POLA2: variants seen among roughly 807,000 people sequenced by gnomAD.
POLA2 encodes the protein DNA polymerase alpha subunit B.
POLA2 carries 47 observed loss-of-function variants against 82.8 expected under a neutral mutation model. That is an observed-to-expected ratio of 0.57 (90% CI 0.45 to 0.72). The LOEUF (loss-of-function observed/expected upper bound fraction) is 0.72. Ranked by LOEUF, POLA2 falls within the 30% of genes least tolerant of loss-of-function variation. The pLI is 0.00. For synonymous variants in POLA2, 287 were observed against 286.8 expected (o/e 1.00, Z -0.01); for missense variants, 634 against 728.1 (o/e 0.87, Z 1.49).
chr11:65,279,506 C>T (rs1414236591), intron 6 of POLA2, 32 bp from the exon 7 acceptor site: 7 of 1,403,240 alleles, frequency 5.0e-6, no homozygotes, highest in Non-Finnish European at 7.0e-6. Context: ...ATGTCTTAAA[C>T]ATAATACTTT....
At chr11:65,273,046 G>T (rs1051884890) in intron 4 of POLA2, among the ~76,000 whole-genome samples, 2 of 150,498 alleles carry the variant, frequency 1.3e-5, no homozygotes, top group African/African-American at 4.9e-5. Flanking sequence ...CTAGCCAGGC[G>T]CAGTGGCTTA....
chr11:65,275,961 C>T lies in POLA2; in HGVS notation c.424C>T (p.Pro142Ser). 6.2e-7 allele frequency: 1 copy of T among 1,607,630 alleles called. No individual in the cohort carries two copies. Among genetic ancestry groups the T allele is most frequent in the Non-Finnish European group, 8.5e-7 (1 of 1,176,990 alleles). ...AAAAAGGAGTGTGTCAACTCGTAGC[C>T]CCCATCAGCTACTCTCACCGTCAAG... ...LTKRSVSTRS[P>S]HQLLSPSSFS... Residue 142 changes from proline (P) to serine (S), a missense_variant, in exon 5 of 18, where the codon CCC (proline) becomes TCC (serine). By Grantham distance (74) the Pro-to-Ser change is moderately conservative. Transcript: ENST00000265465.
intron 10 of POLA2, among the ~76,000 whole-genome samples, chr11:65,286,527 C>G (rs2137560920): frequency 6.6e-6 from 1 of 152,092 alleles, no homozygotes; most frequent in South Asian, 2.1e-4. Flanking sequence ...ACTATAGGCT[C>G]AGGAGGTACG....
intron 17 of POLA2, among the ~76,000 whole-genome samples, chr11:65,296,826 G>A (rs111376364): frequency 0.01 from 1,560 of 151,834 alleles, 23 homozygotes; most frequent in African/African-American, 0.035. Context: ...GTGGGTGCCT[G>A]TAATCCAAGC....
chr11:65,300,896 C>T (rs549944911), downstream of POLA2, among the ~76,000 whole-genome samples: 4 of 152,310 alleles, frequency 2.6e-5, no homozygotes, highest in Admixed American at 2.6e-4. Flanking sequence ...AGGTTTGTTT[C>T]ACTTAGCATG....
At chr11:65,289,683 G>A (rs1381667867) in intron 12 of POLA2, 116 bp from the exon 13 acceptor site, 19 of 633,932 alleles carry the variant, frequency 3.0e-5, no homozygotes, top group East Asian at 2.3e-4. Flanking sequence ...TCATCTTTGC[G>A]TCTCCTTCAG....
chr11:65,286,042 G>C (rs1949694067), intron 10 of POLA2, among the ~76,000 whole-genome samples: 1 of 152,180 alleles, frequency 6.6e-6, no homozygotes. Context: ...GTGTGATTAA[G>C]TTAAGGCTGT....
downstream of POLA2, among the ~76,000 whole-genome samples, chr11:65,301,837 G>A (rs886848324): frequency 2.0e-5 from 3 of 152,156 alleles, no homozygotes; most frequent in Non-Finnish European, 2.9e-5. Context: ...TTCTGTCACC[G>A]TCATTGGTCA....
At chr11:65,270,136 ATTATTCT>A (rs1463185698) in intron 4 of POLA2, among the ~76,000 whole-genome samples, 2 of 152,214 alleles carry the variant, frequency 1.3e-5, no homozygotes, top group Non-Finnish European at 2.9e-5. Context: ...CAGCCCAGTA[ATTATTCT>A]TTATACTAAC....
intron 4 of POLA2, 57 bp from the exon 5 acceptor site, chr11:65,275,835 C>G: frequency 8.3e-6 from 8 of 967,620 alleles, no homozygotes; most frequent in Non-Finnish European, 1.3e-5. Context: ...GTACTATACA[C>G]TTAATTAGTA....
intron 9 of POLA2, among the ~76,000 whole-genome samples, chr11:65,282,264 C>T (rs900483299): frequency 2.0e-5 from 3 of 152,168 alleles, no homozygotes; most frequent in African/African-American, 7.2e-5. Flanking sequence ...CCTCCCATTA[C>T]CTGGGTTTCT....
chr11:65,288,136 T>A (rs1949716977), intron 11 of POLA2, among the ~76,000 whole-genome samples: 1 of 152,032 alleles, frequency 6.6e-6, no homozygotes, highest in African/African-American at 2.4e-5. Flanking sequence ...TGAAACCCCA[T>A]CTCTACTAAA....
intron 10 of POLA2, among the ~76,000 whole-genome samples, chr11:65,285,890 C>G (rs1949692399): frequency 6.6e-6 from 1 of 152,128 alleles, no homozygotes; most frequent in African/African-American, 2.4e-5. Context: ...TGTCCCCTAC[C>G]CCACCACCAC....
intron 12 of POLA2, among the ~76,000 whole-genome samples, chr11:65,289,531 G>A (rs55731435): frequency 2.4e-4 from 37 of 152,306 alleles, no homozygotes; most frequent in Middle Eastern, 3.4e-3. Flanking sequence ...TTCGTCTCAC[G>A]ATACTTTACC....
chr11:65,294,826 T>G (rs928710869), intron 15 of POLA2, 174 bp downstream of exon 15: 2 of 496,640 alleles, frequency 4.0e-6, no homozygotes, highest in African/African-American at 3.9e-5. Context: ...AGGGGAGGGG[T>G]TGGATGCATT....
chr11:65,282,385 A>G lies in POLA2; in HGVS notation c.964-94A>G, dbSNP rs573793276. Reference sequence around the variant, plus strand: ...CTCCTCCCCACTGTCCTCCCATCACACACCTGCACCACCCCCAACCTGGTG... The same window carrying G: ...CTCCTCCCCACTGTCCTCCCATCACGCACCTGCACCACCCCCAACCTGGTG... On this transcript the variant is annotated intron_variant, in intron 9 of 17. Transcript: ENST00000265465. The G allele has an allele frequency of 6.0e-6, 6 of 1,001,130 alleles. No individual in the cohort carries two copies. The African/African-American group carries it at 9.5e-5, about 16-fold the overall frequency. The allele number at this position is 1,001,130 out of a possible 1,614,324, so 62.0% of individuals were successfully genotyped here. A position where few individuals can be genotyped will look rare whatever the true frequency, so the allele number is the denominator to read the frequency against.
chr11:65,295,853 T>A lies in POLA2; in HGVS notation c.1521-11T>A, dbSNP rs1403898087. The stretch of plus-strand genomic sequence containing the variant: ...TCAGCTAGTGCTGACAATTTCTCTC[T>A]GTCTCTGTAGCTACTACCCACTCTA... On this transcript the variant is annotated splice_polypyrimidine_tract_variant and intron_variant, in intron 16 of 17. Transcript: ENST00000265465. The A allele has an allele frequency of 6.2e-7, 1 of 1,603,806 alleles. No individual in the cohort carries two copies. The highest frequency in any genetic ancestry group is 1.3e-5 in the African/African-American group (1 of 74,740).
chr11:65,261,979 T>C lies in POLA2; in HGVS notation c.-314T>C. On this transcript the variant is annotated 5_prime_UTR_variant, in exon 1 of 18. Transcript: ENST00000265465. The stretch of plus-strand genomic sequence containing the variant: ...GGCCACTCAGTTCTGCCACCGTCAC[T>C]GAGAAGCTCAGCGGTAGCTTTTGGG... The C allele has an allele frequency of 2.3e-6, 1 of 436,144 alleles. No individual in the cohort carries two copies. Among genetic ancestry groups the C allele is most frequent in the South Asian group, 3.0e-5 (1 of 33,310 alleles). The allele number at this position is 436,144 out of a possible 1,614,324, so 27.0% of individuals were successfully genotyped here. A position where few individuals can be genotyped will look rare whatever the true frequency, so the allele number is the denominator to read the frequency against.
chr11:65,282,439 C>A, intron 9 of POLA2, 40 bp from the exon 10 acceptor site: 1 of 1,596,036 alleles, frequency 6.3e-7, no homozygotes, highest in South Asian at 1.1e-5. Context: ...AAGGTGATGC[C>A]TGGCGCAAGA....
Sources: gnomAD v4.1 joint callset for allele counts (sites outside exome capture counted in the v4.1 genomes callset) on GRCh38, gnomAD v4.1.1 for gene constraint, MANE v1.5 for transcripts, NCBI Gene and HGNC (gene_info 2026-07-23, HGNC 2026-07-21) for gene names.